The following ADAM15 variants were observed in gnomAD, a reference collection of about 807,000 sequenced individuals.
The protein encoded by ADAM15 is ADAM metallopeptidase domain 15, also known as disintegrin and metalloproteinase domain-containing protein 15.
In ADAM15, 77 loss-of-function variants were observed where a neutral mutation model predicts 113.8. That is an observed-to-expected ratio of 0.68 (90% confidence interval 0.56 to 0.82). ADAM15 has a LOEUF of 0.82. Ranked by LOEUF, ADAM15 falls within the 40% of genes least tolerant of loss-of-function variation. The probability of loss-of-function intolerance (pLI) is 0.00; values close to 1 mark genes in which losing one functional copy is unlikely to be tolerated. For missense variants in ADAM15, 963 were observed against 1,120.1 expected, an observed-to-expected ratio of 0.86 and a Z score of 2.00; for synonymous variants, 388 against 454.1, an observed-to-expected ratio of 0.85 and a Z score of 1.85.
rs1474899248 is a variant in ADAM15 at position 155,052,884 on chromosome 1, CTGT to C, written c.186+108_186+110del. 17 of 1,437,828 alleles carry C rather than the reference CTGT, an allele frequency of 1.2e-5. No individual in the cohort carries two copies. The East Asian group carries it at 4.0e-4, about 34-fold the overall frequency. The allele number at this position is 1,437,828 out of a possible 1,614,324, so 89.1% of individuals were successfully genotyped here. A position where few individuals can be genotyped will look rare whatever the true frequency, so the allele number is the denominator to read the frequency against. ...CTGAGGAGCTGGTGGGTAGAGCTCA[CTGT>C]AGTGGGTCTATCCCAGGCCCAGCTG... On this transcript the variant is annotated intron_variant, in intron 2 of 22. Transcript: ENST00000356955.
rs763095956 is a variant in ADAM15 at position 155,062,053 on chromosome 1, C to A, written c.2424+78C>A. On this transcript the variant is annotated intron_variant, in intron 21 of 22. Transcript: ENST00000356955. This position sits in a 1 kb window ranked among gnomAD's most constrained non-coding sequence, Gnocchi z 7.0. ...GTGCTGGTAGCCATGACGGTGGTGG[C>A]CGTGGCGAGATGCCCCCTCAGTGCA... is the stretch of plus-strand genomic sequence containing the variant. 29 of 1,478,920 alleles carry A rather than the reference C, an allele frequency of 2.0e-5. No homozygotes were observed. The African/African-American group carries it at 3.4e-4, about 17-fold the overall frequency. 91.6% of individuals were successfully genotyped at this position (1,478,920 alleles called of 1,614,324 possible).
rs879301995 is a variant in ADAM15, at chr1:155,056,198, G to T, written c.863G>T (p.Arg288Leu). ...ACCCTCGAAAACTTCCTCCACTGGC[G>T]CAGGGCACATTTGCTGCCTCGATTG... ...AVTLENFLHW[R>L]RAHLLPRLPH... Residue 288 changes from arginine (R) to leucine (L), a missense_variant, in exon 9 of 23, where the codon CGC becomes CTC. Physicochemically the swap from Arg to Leu is moderately radical, Grantham distance 102. Transcript: ENST00000356955. The surrounding 1 kb of genome is among the most constrained non-coding windows in gnomAD (Gnocchi z 4.0). The T allele has an allele frequency of 3.1e-6, 5 of 1,613,958 alleles. No homozygotes were observed. Among genetic ancestry groups the T allele is most frequent in the African/African-American group, 1.3e-5 (1 of 75,012 alleles).
Position 155,052,404 on chromosome 1 carries a change from G to A in ADAM15, c.80-267G>A, listed in dbSNP as rs773029172. 39 of 1,216,840 alleles carry A rather than the reference G, an allele frequency of 3.2e-5. No individual in the cohort carries two copies. In the East Asian group the frequency reaches 7.2e-4, roughly 22 times the overall value. The allele number at this position is 1,216,840 out of a possible 1,614,324, so 75.4% of individuals were successfully genotyped here. A position where few individuals can be genotyped will look rare whatever the true frequency, so the allele number is the denominator to read the frequency against. ...GTCCTGTGAGAACCTGGGATTGGCC[G>A]GAAGGGGACAAGGAGGGCCACAGGC... On this transcript the variant is annotated intron_variant, in intron 1 of 22. Coordinates refer to ENST00000356955, the MANE Select transcript of ADAM15 (RefSeq NM_207197.3).
In ADAM15 at chr1:155,057,734, G is replaced by C. The variant is rs368281675; in HGVS notation, c.1416+5G>C. 1.9e-6 allele frequency: 3 copies of C among 1,614,100 alleles called. No homozygotes were observed. Among genetic ancestry groups the C allele is most frequent in the African/African-American group, 2.7e-5 (2 of 74,936 alleles). ...CCCTGTTGTCAAAATTGCCAGGTGG[G>C]TAGAGACTAGACTGGCCACCCGGAG... On this transcript the variant is annotated splice_donor_5th_base_variant and intron_variant, in intron 13 of 22. Transcript: ENST00000356955. The surrounding 1 kb of genome is among the most constrained non-coding windows in gnomAD (Gnocchi z 5.0).
At position 155,056,817 on chromosome 1, in the gene ADAM15, C is replaced by G; in HGVS notation, c.1000-136C>G. The G allele has an allele frequency of 7.7e-7, 1 of 1,290,776 alleles. No homozygotes were observed. Among genetic ancestry groups the G allele is most frequent in the South Asian group, 1.5e-5 (1 of 66,340 alleles). 80.0% of individuals were successfully genotyped at this position (1,290,776 alleles called of 1,614,324 possible). A position where few individuals can be genotyped will look rare whatever the true frequency, so the allele number is the denominator to read the frequency against. Reference sequence around the variant, plus strand: ...GGCCTGGGTTCTCCTACTTTAGAAGCAATTCAGGAGGGAAGCAGTGCCTGC... The same window carrying G: ...GGCCTGGGTTCTCCTACTTTAGAAGGAATTCAGGAGGGAAGCAGTGCCTGC... On this transcript the variant is annotated intron_variant, in intron 10 of 22. Transcript: ENST00000356955. This position sits in a 1 kb window ranked among gnomAD's most constrained non-coding sequence, Gnocchi z 4.0.
intron 1 of ADAM15, chr1:155,051,806 G>A: frequency 4.2e-6 from 1 of 237,784 alleles, no homozygotes; most frequent in Non-Finnish European, 8.2e-6. Context: ...TGGCATCTTC[G>A]CTGCTCTGGG....
chr1:155,061,114 CA>C (rs1662530599), intron 19 of ADAM15: 3 of 579,638 alleles, frequency 5.2e-6, no homozygotes, highest in South Asian at 2.1e-5. Context: ...ATGCCCCCAG[CA>C]GTGACCCCAG....
rs778136838 is a variant in ADAM15, at chr1:155,056,187, C to T, written c.852C>T (p.Phe284=). ...SPNPAVTLEN[F]LHWRRAHLLP... ...ACCCAGCTGTCACCCTCGAAAACTT[C>T]CTCCACTGGCGCAGGGCACATTTGC... Residue 284 remains phenylalanine (F), a synonymous_variant, in exon 9 of 23, where the codon TTC becomes TTT. Transcript: ENST00000356955. The surrounding 1 kb of genome is among the most constrained non-coding windows in gnomAD (Gnocchi z 4.0). 6.2e-7 allele frequency: 1 copy of T among 1,614,096 alleles called. No homozygotes were observed. The highest frequency in any genetic ancestry group is 1.7e-5 in the Admixed American group (1 of 60,022).
intron 6 of ADAM15, chr1:155,055,464 G>A: frequency 2.9e-6 from 1 of 348,788 alleles, no homozygotes; most frequent in Non-Finnish European, 5.5e-6. Context: ...CTGACCTCAT[G>A]ATCCACCCGC....
chr1:155,058,488 G>A lies in ADAM15; in HGVS notation c.1917+47G>A. The A allele has an allele frequency of 6.3e-7, 1 of 1,597,960 alleles. No individual in the cohort carries two copies. The highest frequency in any genetic ancestry group is 1.1e-5 in the South Asian group (1 of 90,112). On this transcript the variant is annotated intron_variant, in intron 15 of 22. Coordinates refer to ENST00000356955, the MANE Select transcript of ADAM15 (RefSeq NM_207197.3). This position sits in a 1 kb window ranked among gnomAD's most constrained non-coding sequence, Gnocchi z 4.3. ...GACCAGGTGTGAGAAGGGACATTTG[G>A]ACCACAATGAACAGAGCCCAGACTT...
chr1:155,054,127 C>T (rs538444005), intron 4 of ADAM15, 23 bp from the exon 5 acceptor site: 3 of 1,613,940 alleles, frequency 1.9e-6, no homozygotes, highest in South Asian at 1.1e-5. Flanking sequence ...TGAGACAGCA[C>T]TAATGTTGTT....
chr1:155,062,001 C>T lies in ADAM15; in HGVS notation c.2424+26C>T, dbSNP rs375285944. 1.2e-5 allele frequency: 18 copies of T among 1,533,900 alleles called. No homozygotes were observed. Among genetic ancestry groups the T allele is most frequent in the Non-Finnish European group, 1.4e-5 (16 of 1,139,920 alleles). On this transcript the variant is annotated intron_variant, in intron 21 of 22. Coordinates refer to ENST00000356955, the MANE Select transcript of ADAM15 (RefSeq NM_207197.3). This position sits in a 1 kb window ranked among gnomAD's most constrained non-coding sequence, Gnocchi z 7.0. Reference sequence around the variant, plus strand: ...GTAACGGTGGGGGGAGAGAAGGGCACGGCCTCTCCCCCCACCTAGGGCTGT... The same window carrying T: ...GTAACGGTGGGGGGAGAGAAGGGCATGGCCTCTCCCCCCACCTAGGGCTGT...
rs779361921 is a variant in ADAM15 at position 155,061,487 on chromosome 1, C to T, written c.2350C>T (p.Gln784Ter). 5 of 1,613,416 alleles carry T rather than the reference C, an allele frequency of 3.1e-6. No homozygotes were observed. The highest frequency in any genetic ancestry group is 3.4e-6 in the Non-Finnish European group (4 of 1,179,846). Residue 784 changes from glutamine (Q) to a stop codon, truncating the protein, a stop_gained and splice_region_variant, in exon 20 of 23, where the codon CAG (glutamine) becomes TAG (stop). Coordinates refer to ENST00000356955, the MANE Select transcript of ADAM15 (RefSeq NM_207197.3). LOFTEE classifies it high-confidence loss of function. ...LPPDPVSKRLQAELADRPNPP... is the reference protein window; with the variant it reads ...LPPDPVSKRL ...GCCTGACCCTGTGTCCAAGAGACTC[C>T]AGGTAAATCTGGGCCAGGGCCCGCC...
rs549051149 is a variant in ADAM15 at position 155,060,949 on chromosome 1, T to C, written c.2277+117T>C. On this transcript the variant is annotated intron_variant, in intron 19 of 22. Transcript: ENST00000356955. ...GAGAAAGGCTAGCACTGCCCAAGAG[T>C]CAGTCGAAGGAGTCAGGGCCAGCCC... 3.3e-3 allele frequency: 3,329 copies of C among 1,022,266 alleles called. 19 individuals carry two copies. The highest frequency in any genetic ancestry group is 4.1e-3 in the Non-Finnish European group (2,903 of 699,798). 63.3% of individuals were successfully genotyped at this position (1,022,266 alleles called of 1,614,324 possible).
chr1:155,059,611 A>G (rs1444644053), intron 16 of ADAM15, among the ~76,000 whole-genome samples: 1 of 152,202 alleles, frequency 6.6e-6, no homozygotes, highest in African/African-American at 2.4e-5. Flanking sequence ...CCTGGGCAAC[A>G]GAGTGAGACT....
chr1:155,060,646 T>A, intron 18 of ADAM15, 117 bp from the exon 19 acceptor site: 2 of 1,210,060 alleles, frequency 1.7e-6, no homozygotes, highest in Non-Finnish European at 2.4e-6. Context: ...CTACCACAAT[T>A]TTACCTAAAC....
At chr1:155,060,960 A>G (rs1189026465) in intron 19 of ADAM15, 128 bp downstream of exon 19, 2 of 915,314 alleles carry the variant, frequency 2.2e-6, no homozygotes, top group African/African-American at 3.3e-5. Context: ...CAGTCGAAGG[A>G]GTCAGGGCCA....
Position 155,062,554 on chromosome 1 carries a change from G to T in ADAM15, c.*52G>T. On this transcript the variant is annotated 3_prime_UTR_variant, in exon 23 of 23. Transcript: ENST00000356955. This position sits in a 1 kb window ranked among gnomAD's most constrained non-coding sequence, Gnocchi z 7.0. Reference sequence around the variant, plus strand: ...AGCCGGACTTAGGGCTTCAAGAGGCGGGCGTGCCCTCTGGAGTCCCCTACC... The same window carrying T: ...AGCCGGACTTAGGGCTTCAAGAGGCTGGCGTGCCCTCTGGAGTCCCCTACC... 6.3e-7 allele frequency: 1 copy of T among 1,598,290 alleles called. No individual in the cohort carries two copies.
At chr1:155,061,689 T>C (rs1558134576) in intron 20 of ADAM15, 200 bp downstream of exon 20, 1 of 763,526 alleles carries the variant, frequency 1.3e-6, no homozygotes, top group Non-Finnish European at 2.1e-6. Context: ...TGGTGGTCAA[T>C]GGCGGGACTG....
Sources: gnomAD v4.1 joint callset for allele counts (sites outside exome capture counted in the v4.1 genomes callset) on GRCh38, gnomAD v4.1.1 for gene constraint, Gnocchi (gnomAD v3.1) non-coding constraint, MANE v1.5 for transcripts, NCBI Gene and HGNC (gene_info 2026-07-23, HGNC 2026-07-21) for gene names.